Variants in BLK observed in about 807,000 individuals in gnomAD.
The protein encoded by BLK is tyrosine-protein kinase Blk.
BLK carries 64 observed loss-of-function variants against 61.8 expected under a neutral mutation model. The ratio of observed to expected loss-of-function variants is 1.03; its 90% CI spans 0.85 to 1.27. The LOEUF (loss-of-function observed/expected upper bound fraction) is 1.27, where lower values mean the gene tolerates loss of function less well. BLK is among the 50% of genes most tolerant of loss of function. BLK has a pLI of 0.00. For missense variants in BLK, 853 were observed against 660.5 expected, an observed-to-expected ratio of 1.29 and a Z score of -3.19; for synonymous variants, 351 against 272.0, an observed-to-expected ratio of 1.29 and a Z score of -2.86.
chr8:11,508,674 G>A (rs1321111280), intron 1 of BLK, among the ~76,000 whole-genome samples: 1 of 152,212 alleles, frequency 6.6e-6, no homozygotes, highest in Non-Finnish European at 1.5e-5. Context: ...ATTACTTACG[G>A]GGATGTGCAG....
In BLK at chr8:11,516,332, G is replaced by A. The variant is rs12548072; in HGVS notation, c.-2+21741G>A. ...GTCGTGGATGCTCTTAGACCACACCGCACAGTGGAGACTTCACAGACCCCG... is the reference window on the plus strand; with the variant it reads ...GTCGTGGATGCTCTTAGACCACACCACACAGTGGAGACTTCACAGACCCCG... On this transcript the variant is annotated intron_variant, in intron 1 of 12. Coordinates refer to ENST00000259089, the MANE Select transcript of BLK (RefSeq NM_001715.3). Among the ~76,000 whole-genome samples, 1,282 of 152,272 alleles carry A rather than the reference G, an allele frequency of 8.4e-3. 24 individuals are homozygous for A. Among genetic ancestry groups the A allele is most frequent in the African/African-American group, 0.028 (1,177 of 41,520 alleles).
At chr8:11,563,851 C>A in intron 12 of BLK, 52 bp from the exon 13 acceptor site, 2 of 1,543,112 alleles carry the variant, frequency 1.3e-6, no homozygotes, top group Non-Finnish European at 1.8e-6. Flanking sequence ...GGGCCCCCCA[C>A]CCACCGAGGA....
chr8:11,558,283 G>A (rs1404084169), intron 10 of BLK, among the ~76,000 whole-genome samples: 1 of 152,220 alleles, frequency 6.6e-6, no homozygotes, highest in East Asian at 1.9e-4. Context: ...TTAGACCCGG[G>A]CTGCTGTGTT....
intron 1 of BLK, among the ~76,000 whole-genome samples, chr8:11,535,043 C>A (rs547279733): frequency 6.6e-6 from 1 of 151,986 alleles, no homozygotes; most frequent in South Asian, 2.1e-4. Context: ...CCAGGCATGG[C>A]AGCACGTGCC....
At chr8:11,556,519 T>C in intron 8 of BLK, 139 bp from the exon 9 acceptor site, 4 of 1,024,824 alleles carry the variant, frequency 3.9e-6, no homozygotes, top group East Asian at 5.0e-5. Flanking sequence ...CACACAACCA[T>C]GGCCTCCGGA....
At chr8:11,552,025 T>G (rs1455617856) in intron 6 of BLK, among the ~76,000 whole-genome samples, 1 of 152,050 alleles carries the variant, frequency 6.6e-6, no homozygotes, top group Non-Finnish European at 1.5e-5. Flanking sequence ...CAATTTTAAC[T>G]GGAGAGGAGA....
intron 1 of BLK, among the ~76,000 whole-genome samples, chr8:11,520,335 G>A (rs891163251): frequency 1.3e-5 from 2 of 151,882 alleles, no homozygotes; most frequent in African/African-American, 4.8e-5. Context: ...GAACTAGCCA[G>A]GTGTGGTGGT....
In BLK at chr8:11,548,716, C is replaced by G. The variant is rs554066000; in HGVS notation, c.270-308C>G. ...CAGTCCACGCCAACCGTGTTTTTCT[C>G]AAGCCTGTCCCCAGTCCCTCACCAA... On this transcript the variant is annotated intron_variant, in intron 4 of 12. Coordinates refer to ENST00000259089, the MANE Select transcript of BLK (RefSeq NM_001715.3). Among the ~76,000 whole-genome samples, 3 of 152,346 alleles carry G rather than the reference C, an allele frequency of 2.0e-5. No homozygotes were observed. In the East Asian group the frequency reaches 5.8e-4, roughly 29 times the overall value.
At chr8:11,539,863 C>A (rs370077597) in intron 1 of BLK, among the ~76,000 whole-genome samples, 1 of 152,156 alleles carries the variant, frequency 6.6e-6, no homozygotes, top group Non-Finnish European at 1.5e-5. Flanking sequence ...TATTTCTTAT[C>A]TTTACACATT....
At chr8:11,555,761 G>A (rs768912899) in intron 8 of BLK, 8 of 524,160 alleles carry the variant, frequency 1.5e-5, no homozygotes, top group African/African-American at 5.7e-5. Context: ...GCCTGAAGCT[G>A]GCTTTGACAA....
intron 10 of BLK, 79 bp downstream of exon 10, chr8:11,558,117 C>A: frequency 7.1e-7 from 1 of 1,405,036 alleles, no homozygotes; most frequent in Non-Finnish European, 1.0e-6. Flanking sequence ...CCTTACCACC[C>A]CATCCTCTCA....
intron 1 of BLK, among the ~76,000 whole-genome samples, chr8:11,542,742 C>T (rs1157710131): frequency 1.3e-5 from 2 of 152,228 alleles, no homozygotes; most frequent in African/African-American, 4.8e-5. Flanking sequence ...ACCCAAAAAT[C>T]TGAGAGGGAG....
intron 10 of BLK, among the ~76,000 whole-genome samples, chr8:11,559,271 G>A (rs1183100293): frequency 6.6e-6 from 1 of 151,934 alleles, no homozygotes; most frequent in African/African-American, 2.4e-5. Flanking sequence ...CCATGCCAAT[G>A]GCTCTCTAAG....
chr8:11,507,777 G>C (rs1350770113), intron 1 of BLK, among the ~76,000 whole-genome samples: 2 of 152,112 alleles, frequency 1.3e-5, no homozygotes, highest in Non-Finnish European at 1.5e-5. Flanking sequence ...GGGGGAACCT[G>C]AGGCCAGGAG....
In BLK at chr8:11,560,812, A is replaced by G. The variant is rs547823692; in HGVS notation, c.1030-490A>G. ...CTGGAGACCACATCCCTCATGTTCC[A>G]TGTCAGGACTGTGGCCCCTCGGGGA... On this transcript the variant is annotated intron_variant, in intron 10 of 12. Transcript: ENST00000259089. The G allele has an allele frequency of 1.3e-4, 60 of 455,940 alleles. No individual in the cohort carries two copies. The Middle Eastern group carries it at 1.6e-3, about 12-fold the overall frequency. 28.2% of individuals were successfully genotyped at this position (455,940 alleles called of 1,614,324 possible).
intron 3 of BLK, 128 bp from the exon 4 acceptor site, chr8:11,547,904 C>T (rs1224791729): frequency 4.8e-6 from 4 of 839,342 alleles, no homozygotes; most frequent in East Asian, 5.2e-5. Context: ...GGGGCCTGTG[C>T]TGGGTGAGAA....
intron 1 of BLK, among the ~76,000 whole-genome samples, chr8:11,510,904 G>A (rs1314319283): frequency 6.6e-6 from 1 of 152,096 alleles, no homozygotes; most frequent in Admixed American, 6.6e-5. Context: ...GTTAAAGTAC[G>A]AGATTCTGCC....
chr8:11,563,105 AC>A lies in BLK; in HGVS notation c.1310del (p.Pro437GlnfsTer3). On this transcript the variant is annotated frameshift_variant, in exon 12 of 13. Transcript: ENST00000259089. LOFTEE classifies it low-confidence loss of function (END_TRUNC). ...MEVVTYGRVP[Y>X]PGMSNPEVIR... ...GTTGTCACTTATGGGCGGGTGCCAT[AC>A]CCAGGTAGGTGGCTCACCCCGCAGC... is the stretch of plus-strand genomic sequence containing the variant. The A allele has an allele frequency of 6.2e-7, 1 of 1,613,684 alleles. No homozygotes were observed. Among genetic ancestry groups the A allele is most frequent in the Middle Eastern group, 1.6e-4 (1 of 6,062 alleles).
chr8:11,520,258 C>A (rs1387815040), intron 1 of BLK, among the ~76,000 whole-genome samples: 1 of 151,970 alleles, frequency 6.6e-6, no homozygotes, highest in Non-Finnish European at 1.5e-5. Flanking sequence ...AGGAGGATCG[C>A]TTGAGCCCAG....
Sources: gnomAD v4.1 joint callset for allele counts (sites outside exome capture counted in the v4.1 genomes callset) on GRCh38, gnomAD v4.1.1 for gene constraint, MANE v1.5 for transcripts, NCBI Gene and HGNC (gene_info 2026-07-23, HGNC 2026-07-21) for gene names.